The following TIAM2 variants were observed in gnomAD, a reference collection of about 807,000 sequenced individuals.
TIAM2 encodes the protein rho guanine nucleotide exchange factor TIAM2.
Under a neutral mutation model 152.9 loss-of-function variants are expected in TIAM2, and 80 were observed. That is an observed-to-expected ratio of 0.52 (90% CI 0.44 to 0.63). TIAM2 has a LOEUF of 0.63. Ranked by LOEUF, TIAM2 falls within the 30% of genes least tolerant of loss-of-function variation. The probability of loss-of-function intolerance (pLI) is 0.00; values close to 1 mark genes in which losing one functional copy is unlikely to be tolerated. For synonymous variants in TIAM2, 804 were observed against 838.0 expected (o/e 0.96, Z 0.70); for missense variants, 1,965 against 2,120.1 (o/e 0.93, Z 1.44).
chr6:155,011,741 T>G (rs1385952165), intron 1 of TIAM2, among the ~76,000 whole-genome samples: 10 of 152,226 alleles, frequency 6.6e-5, no homozygotes. Flanking sequence ...CAGTCAACTC[T>G]CTTATGGGGA....
chr6:155,160,686 A>G (rs1308854815), intron 7 of TIAM2, among the ~76,000 whole-genome samples: 3 of 152,162 alleles, frequency 2.0e-5, no homozygotes, highest in African/African-American at 7.2e-5. Flanking sequence ...ACTTGAGCGC[A>G]GGAAGCAGAG....
chr6:155,061,840 T>G (rs1365612935), intron 1 of TIAM2, among the ~76,000 whole-genome samples: 2 of 152,220 alleles, frequency 1.3e-5, no homozygotes, highest in Non-Finnish European at 2.9e-5. Context: ...AAAATTTGTA[T>G]GACAGTTTAA....
rs539739017 is a variant in TIAM2 at position 154,995,440 on chromosome 6, G to A, written c.-261G>A. The A allele has an allele frequency of 8.3e-4, 126 of 151,220 alleles. No individual in the cohort carries two copies. The highest frequency in any genetic ancestry group is 3.0e-3 in the African/African-American group (124 of 41,464). The allele number at this position is 151,220 out of a possible 1,614,324, so 9.4% of individuals were successfully genotyped here. A position where few individuals can be genotyped will look rare whatever the true frequency, so the allele number is the denominator to read the frequency against. ...TTCCCGCGAGGGCCACGCGCCGAGG[G>A]TAGCGGAGGGCGGCGCGCGACCGGC... On this transcript the variant is annotated 5_prime_UTR_variant, in exon 1 of 27. Transcript: ENST00000682666. The surrounding 1 kb of genome is among the most constrained non-coding windows in gnomAD (Gnocchi z 5.2).
At chr6:155,082,249 G>A (rs558746510) in intron 1 of TIAM2, among the ~76,000 whole-genome samples, 101 of 152,212 alleles carry the variant, frequency 6.6e-4, no homozygotes, top group African/African-American at 2.2e-3. Flanking sequence ...AGGCTGAAGC[G>A]GGAGGATTGC....
intron 14 of TIAM2, among the ~76,000 whole-genome samples, chr6:155,190,046 C>A (rs1781159201): frequency 6.6e-6 from 1 of 152,134 alleles, no homozygotes; most frequent in Non-Finnish European, 1.5e-5. Flanking sequence ...TGTAGAAAAC[C>A]CTGAATTCCA....
chr6:155,158,308 A>G (rs1780174476), intron 7 of TIAM2, among the ~76,000 whole-genome samples: 1 of 152,242 alleles, frequency 6.6e-6, no homozygotes, highest in South Asian at 2.1e-4. Flanking sequence ...ACAGGAGACC[A>G]TAACCTTTCT....
At chr6:155,024,568 G>A (rs116061767) in intron 1 of TIAM2, among the ~76,000 whole-genome samples, 1,671 of 151,694 alleles carry the variant, frequency 0.011, 30 homozygotes, top group African/African-American at 0.039. Context: ...TAGGTCTTTA[G>A]GGGTGGGATC....
At chr6:155,098,182 G>T (rs1778461244) in intron 2 of TIAM2, among the ~76,000 whole-genome samples, 1 of 151,598 alleles carries the variant, frequency 6.6e-6, no homozygotes, top group Non-Finnish European at 1.5e-5. Context: ...ATAAAGTTTA[G>T]AACACCTTTT....
chr6:155,231,974 G>A (rs939508706), intron 15 of TIAM2, among the ~76,000 whole-genome samples: 15 of 152,182 alleles, frequency 9.9e-5, no homozygotes, highest in Admixed American at 3.3e-4. Context: ...CCAGCTACGT[G>A]GGAGGCTGAG....
chr6:155,086,524 T>C (rs1436796368), intron 1 of TIAM2, among the ~76,000 whole-genome samples: 2 of 151,966 alleles, frequency 1.3e-5, no homozygotes, highest in Non-Finnish European at 2.9e-5. Context: ...CTGACCAACA[T>C]GGCAAAACCC....
intron 1 of TIAM2, among the ~76,000 whole-genome samples, chr6:155,069,911 C>CTTTTTTT (rs36093906): frequency 1.7e-4 from 21 of 125,604 alleles, no homozygotes; most frequent in Admixed American, 2.6e-4. Flanking sequence ...CATTTCTTTT[C>CTTTTTTT]TTTTTTTTTT....
intron 1 of TIAM2, among the ~76,000 whole-genome samples, chr6:155,069,941 C>A (rs1239078062): frequency 8.7e-6 from 1 of 115,580 alleles, no homozygotes; most frequent in Non-Finnish European, 1.8e-5. Flanking sequence ...GAGACAAGGT[C>A]TTTTTGTGTG....
intron 2 of TIAM2, among the ~76,000 whole-genome samples, chr6:155,102,295 C>A (rs1778568768): frequency 6.6e-6 from 1 of 152,106 alleles, no homozygotes; most frequent in Non-Finnish European, 1.5e-5. Flanking sequence ...TGGCCTAGAA[C>A]TTATATTTTT....
At chr6:155,030,762 T>C (rs987824771) in intron 1 of TIAM2, among the ~76,000 whole-genome samples, 1 of 152,206 alleles carries the variant, frequency 6.6e-6, no homozygotes, top group African/African-American at 2.4e-5. Context: ...TGCTTTTCAC[T>C]ATAGAAATTT....
At position 155,248,138 on chromosome 6, in the gene TIAM2, C is replaced by A. The variant is rs751862076; in HGVS notation, c.3791C>A (p.Ser1264Tyr). The A allele has an allele frequency of 2.9e-5, 47 of 1,614,034 alleles. No homozygotes were observed. The South Asian group carries it at 5.0e-4, about 17-fold the overall frequency. The change falls in exon 20 of 27, where the codon TCC becomes TAC. Residue 1264 changes from serine to tyrosine, a missense_variant. Ser to Tyr is a moderately radical substitution (Grantham distance 144, BLOSUM62 -2). Coordinates refer to ENST00000682666, the MANE Select transcript of TIAM2 (RefSeq NM_012454.4). ...CCGCTGCTGCTCAAGGAGCTGGTGT[C>A]CCTGACGGACCAGGAGAGCGAGGAG... ...KYPLLLKELV[S>Y]LTDQESEEHY...
chr6:155,087,565 A>G (rs569221830), intron 1 of TIAM2, among the ~76,000 whole-genome samples: 13 of 152,214 alleles, frequency 8.5e-5, no homozygotes, highest in Admixed American at 4.6e-4. Context: ...CCTGGCCAAC[A>G]TGGTGAAACC....
intron 1 of TIAM2, among the ~76,000 whole-genome samples, chr6:155,018,437 C>T (rs936011060): frequency 5.9e-5 from 9 of 151,332 alleles, no homozygotes; most frequent in African/African-American, 1.7e-4. Flanking sequence ...CTGGCCAACA[C>T]AGTGAAACCC....
At position 155,129,736 on chromosome 6, in the gene TIAM2, G is replaced by T; in HGVS notation, c.513G>T (p.Gly171=). The T allele has an allele frequency of 6.2e-7, 1 of 1,613,946 alleles. No individual in the cohort carries two copies. The highest frequency in any genetic ancestry group is 8.5e-7 in the Non-Finnish European group (1 of 1,180,018). ...TCAAAACGCTGGGGAAGCTGGATGG[G>T]TGTTTAAGGGTCGAGTTCCACAATG... ...VLIKTLGKLD[G]CLRVEFHNGG... The change falls in exon 4 of 27, where the codon GGG becomes GGT. Residue 171 remains glycine, a synonymous_variant. Coordinates refer to ENST00000682666, the MANE Select transcript of TIAM2 (RefSeq NM_012454.4). The surrounding 1 kb of genome is among the most constrained non-coding windows in gnomAD (Gnocchi z 4.8).
chr6:155,185,880 C>G (rs1781031157), intron 14 of TIAM2, among the ~76,000 whole-genome samples: 1 of 152,278 alleles, frequency 6.6e-6, no homozygotes, highest in South Asian at 2.1e-4. Context: ...GGTGGCTGTT[C>G]CATAGTGATG....
Sources: gnomAD v4.1 joint callset for allele counts (sites outside exome capture counted in the v4.1 genomes callset) on GRCh38, gnomAD v4.1.1 for gene constraint, Gnocchi (gnomAD v3.1) non-coding constraint, MANE v1.5 for transcripts, NCBI Gene and HGNC (gene_info 2026-07-23, HGNC 2026-07-21) for gene names.